Variants in BCO1 observed in about 807,000 individuals in gnomAD.
The protein encoded by BCO1 is beta,beta-carotene 15,15'-dioxygenase.
In BCO1, 54 loss-of-function variants were observed where a neutral mutation model predicts 56.3. The observed-to-expected ratio is 0.96, with a 90% CI of 0.77 to 1.20. BCO1 has a LOEUF of 1.20. Ranked by LOEUF, BCO1 falls within the 50% of genes most tolerant of loss-of-function variation. The probability of loss-of-function intolerance (pLI) is 0.00; values close to 1 mark genes in which losing one functional copy is unlikely to be tolerated. For synonymous variants in BCO1, 318 were observed against 266.1 expected, an observed-to-expected ratio of 1.20 and a Z score of -1.90; for missense variants, 801 against 690.9, an observed-to-expected ratio of 1.16 and a Z score of -1.79.
intron 9 of BCO1, among the ~76,000 whole-genome samples, chr16:81,286,968 A>G (rs962866930): frequency 4.6e-5 from 7 of 152,098 alleles, no homozygotes; most frequent in Non-Finnish European, 8.8e-5. Flanking sequence ...CCAGCTACTC[A>G]GGAGGCTGAG....
At chr16:81,252,739 GC>G (rs1382789771) in intron 2 of BCO1, among the ~76,000 whole-genome samples, 1 of 152,170 alleles carries the variant, frequency 6.6e-6, no homozygotes, top group East Asian at 1.9e-4. Context: ...AGTATGTGTG[GC>G]CTTGCTCACC....
chr16:81,255,974 G>C (rs939168179), intron 2 of BCO1, among the ~76,000 whole-genome samples: 1 of 140,606 alleles, frequency 7.1e-6, no homozygotes. Flanking sequence ...CCAGTACCCC[G>C]GCTAATTTTT....
At chr16:81,263,359 A>C (rs1233481147) in intron 4 of BCO1, 1 of 152,066 alleles carries the variant, frequency 6.6e-6, no homozygotes, top group Non-Finnish European at 1.5e-5. Context: ...ATTGGCCCTC[A>C]TGATTACAGG....
chr16:81,253,681 A>G (rs1256642266), intron 2 of BCO1, among the ~76,000 whole-genome samples: 2 of 152,162 alleles, frequency 1.3e-5, no homozygotes, highest in Admixed American at 6.6e-5. Flanking sequence ...TATCTCAGTG[A>G]GGCTGGGCAC....
At chr16:81,287,041 C>T (rs909982732) in intron 9 of BCO1, among the ~76,000 whole-genome samples, 2 of 151,856 alleles carry the variant, frequency 1.3e-5, no homozygotes, top group African/African-American at 4.8e-5. Context: ...CGCCATTGCA[C>T]TCCAGCCTGG....
chr16:81,264,191 G>A, intron 4 of BCO1: 2 of 264,204 alleles, frequency 7.6e-6, no homozygotes, highest in South Asian at 9.7e-5. Context: ...CAATGCAAAA[G>A]GGCAGAATTT....
intron 7 of BCO1, among the ~76,000 whole-genome samples, chr16:81,271,118 T>A (rs1213719726): frequency 6.6e-6 from 1 of 150,920 alleles, no homozygotes; most frequent in African/African-American, 2.4e-5. Context: ...ATTTATTTTT[T>A]TTTTTATTTT....
At chr16:81,240,865 A>C (rs1905076032) in intron 1 of BCO1, among the ~76,000 whole-genome samples, 5 of 129,926 alleles carry the variant, frequency 3.8e-5, no homozygotes, top group African/African-American at 5.9e-5. Flanking sequence ...AAGGAGTTTC[A>C]CTCTTGTTGC....
At chr16:81,248,254 T>A (rs1386665098) in intron 2 of BCO1, among the ~76,000 whole-genome samples, 1 of 151,548 alleles carries the variant, frequency 6.6e-6, no homozygotes. Flanking sequence ...ATACAAAAAA[T>A]TAGCTGAGCG....
At chr16:81,262,564 ACACCTGTAATTCCAG>A (rs1465944258) in intron 4 of BCO1, 1 of 404,056 alleles carries the variant, frequency 2.5e-6, no homozygotes, top group Admixed American at 3.5e-5. Context: ...GTGGTGACCT[ACACCTGTAATTCCAG>A]CACTTTGGGA....
chr16:81,269,807 C>T (rs1476985965), intron 6 of BCO1, among the ~76,000 whole-genome samples: 1 of 152,166 alleles, frequency 6.6e-6, no homozygotes, highest in Non-Finnish European at 1.5e-5. Context: ...CTGGCAGATT[C>T]TCCCCAACTT....
chr16:81,280,908 G>T lies in BCO1; in HGVS notation c.1153G>T (p.Ala385Ser). ...LIKVASTTATALKEEDGQVYC... is the reference protein window; with the variant it reads ...LIKVASTTATSLKEEDGQVYC... ...CAAAGTGGCATCTACAACAGCCACG[G>T]CCCTGAAGGAAGAAGATGGCCAAGT... Residue 385 changes from alanine (A) to serine (S), a missense_variant, in exon 8 of 11, where the codon GCC becomes TCC. Transcript: ENST00000258168. 1 of 1,614,146 alleles carries T rather than the reference G, an allele frequency of 6.2e-7. No individual in the cohort carries two copies. Among genetic ancestry groups the T allele is most frequent in the African/African-American group, 1.3e-5 (1 of 75,044 alleles).
Position 81,259,823 on chromosome 16 carries a change from A to T in BCO1, c.323+18A>T. ...TTTTCCAAGTAACTGCCTATTTTAA[A>T]TCTGAGCAAATTTCATGCTTTTTGC... On this transcript the variant is annotated intron_variant, in intron 3 of 10. Transcript: ENST00000258168. 6.2e-7 allele frequency: 1 copy of T among 1,614,136 alleles called. No homozygotes were observed. Among genetic ancestry groups the T allele is most frequent in the Non-Finnish European group, 8.5e-7 (1 of 1,179,968 alleles).
intron 7 of BCO1, among the ~76,000 whole-genome samples, chr16:81,276,214 G>A (rs1907547793): frequency 6.6e-6 from 1 of 152,210 alleles, no homozygotes; most frequent in Non-Finnish European, 1.5e-5. Flanking sequence ...ACCCTGGCAA[G>A]AGGGGCCCCT....
chr16:81,238,992 C>A lies in BCO1; in HGVS notation c.64+20C>A. 3 of 1,605,780 alleles carry A rather than the reference C, an allele frequency of 1.9e-6. No homozygotes were observed. The highest frequency in any genetic ancestry group is 1.7e-6 in the Non-Finnish European group (2 of 1,173,184). On this transcript the variant is annotated intron_variant, in intron 1 of 10. Transcript: ENST00000258168. ...TGACAGGTGAGCATTCTGATAAACACTGGGCTCTTTCTTCTATTTATTTTA... is the reference window on the plus strand; with the variant it reads ...TGACAGGTGAGCATTCTGATAAACAATGGGCTCTTTCTTCTATTTATTTTA...
chr16:81,242,416 G>A (rs1444229689), intron 1 of BCO1, among the ~76,000 whole-genome samples: 1 of 152,026 alleles, frequency 6.6e-6, no homozygotes, highest in Admixed American at 6.6e-5. Context: ...GGCCAGGCTA[G>A]TCTCAAACTT....
At chr16:81,246,074 C>T (rs1905397632) in intron 2 of BCO1, among the ~76,000 whole-genome samples, 2 of 151,942 alleles carry the variant, frequency 1.3e-5, no homozygotes, top group South Asian at 2.1e-4. Flanking sequence ...GATGATCCGC[C>T]CACCTCGTGC....
intron 3 of BCO1, among the ~76,000 whole-genome samples, chr16:81,260,125 T>C (rs1906394426): frequency 6.6e-6 from 1 of 152,216 alleles, no homozygotes; most frequent in African/African-American, 2.4e-5. Context: ...CACCAGGTAT[T>C]TGTCATTTAT....
intron 1 of BCO1, among the ~76,000 whole-genome samples, chr16:81,242,812 G>A (rs991313882): frequency 1.3e-5 from 2 of 152,130 alleles, no homozygotes; most frequent in African/African-American, 4.8e-5. Flanking sequence ...ATTACGGCCC[G>A]AGTTCTGCCT....
Sources: gnomAD v4.1 joint callset for allele counts (sites outside exome capture counted in the v4.1 genomes callset) on GRCh38, gnomAD v4.1.1 for gene constraint, MANE v1.5 for transcripts, NCBI Gene and HGNC (gene_info 2026-07-23, HGNC 2026-07-21) for gene names.